The following WDPCP variants were observed in gnomAD, a reference collection of about 807,000 sequenced individuals.
The protein encoded by WDPCP is WD repeat containing planar cell polarity effector.
WDPCP carries 71 observed loss-of-function variants against 93.1 expected under a neutral mutation model. That is an observed-to-expected ratio of 0.76 (90% CI 0.63 to 0.93). WDPCP has a LOEUF of 0.93. WDPCP is among the 40% of genes least tolerant of loss of function. The probability of loss-of-function intolerance (pLI) is 0.00; values close to 1 mark genes in which losing one functional copy is unlikely to be tolerated. For missense variants in WDPCP, 844 were observed against 887.4 expected (o/e 0.95, Z 0.62); for synonymous variants, 315 against 315.0 (o/e 1.00, Z 0.00).
chr2:63,164,096 A>G (rs904292471), intron 15 of WDPCP, among the ~76,000 whole-genome samples: 3 of 152,236 alleles, frequency 2.0e-5, no homozygotes, highest in African/African-American at 2.4e-5. Flanking sequence ...TTGTTCTACA[A>G]TAAATAATTT....
At position 63,347,443 on chromosome 2, in the gene WDPCP, C is replaced by T. The variant is rs143161527; in HGVS notation, c.1748+30943G>A. Among the ~76,000 whole-genome samples, 59 of 152,300 alleles carry T rather than the reference C, an allele frequency of 3.9e-4. No homozygotes were observed. In the East Asian group the frequency reaches 7.3e-3, roughly 19 times the overall value. ...TCTGGCAACCCTTAACTTGTCCAAG[C>T]TCCCATAGCTACTCAATTGCATAGT... On this transcript the variant is annotated intron_variant, in intron 12 of 17. Coordinates refer to ENST00000272321, the MANE Select transcript of WDPCP (RefSeq NM_015910.7).
chr2:63,273,773 C>T (rs1682846909), intron 13 of WDPCP, among the ~76,000 whole-genome samples: 1 of 151,722 alleles, frequency 6.6e-6, no homozygotes, highest in South Asian at 2.1e-4. Context: ...GCAAGAGGGT[C>T]TAACAACTCT....
Position 63,678,825 on chromosome 2 carries a change from C to T in WDPCP, n.309-27987G>A, listed in dbSNP as rs187839147. Reference sequence around the variant, plus strand: ...CGCTAGCTTCATGGGTAGGGATGTGCCTGATGTAGAGCATGCACATCTAAG... The same window carrying T: ...CGCTAGCTTCATGGGTAGGGATGTGTCTGATGTAGAGCATGCACATCTAAG... On this transcript the variant is annotated intron_variant and non_coding_transcript_variant, in intron 2 of 4. Coordinates refer to the WDPCP transcript ENST00000467687. Among the ~76,000 whole-genome samples the T allele has an allele frequency of 2.2e-3, 328 of 152,296 alleles. 1 individual carries two copies. Among genetic ancestry groups the T allele is most frequent in the Non-Finnish European group, 3.2e-3 (219 of 68,014 alleles).
chr2:63,590,891 C>T (rs1271738177), upstream of WDPCP: 1 of 152,188 alleles, frequency 6.6e-6, no homozygotes, highest in Non-Finnish European at 1.5e-5. Flanking sequence ...TCTGTAAGCT[C>T]ATTCAAAGCG....
intron 2 of WDPCP, among the ~76,000 whole-genome samples, chr2:63,726,888 T>C (rs1318563748): frequency 6.6e-6 from 1 of 152,198 alleles, no homozygotes; most frequent in Non-Finnish European, 1.5e-5. Flanking sequence ...GATTTTTGTA[T>C]ACTTATTTTA....
chr2:63,208,011 G>T (rs1676470287), intron 14 of WDPCP, among the ~76,000 whole-genome samples: 2 of 151,898 alleles, frequency 1.3e-5, no homozygotes, highest in Admixed American at 6.6e-5. Flanking sequence ...CTAAGTTAAT[G>T]TTCATTTCTA....
intron 3 of WDPCP, among the ~76,000 whole-genome samples, chr2:63,620,001 G>T (rs917896442): frequency 2.0e-5 from 3 of 152,166 alleles, no homozygotes; most frequent in Non-Finnish European, 2.9e-5. Context: ...CAGATACTAC[G>T]CTTTTCCCAT....
chr2:63,460,417 A>G (rs1168736975), intron 6 of WDPCP, among the ~76,000 whole-genome samples: 2 of 152,218 alleles, frequency 1.3e-5, no homozygotes, highest in African/African-American at 2.4e-5. Context: ...ATAGCAGAAT[A>G]GGATGACTAT....
chr2:63,392,008 C>T (rs1487786794), intron 10 of WDPCP, among the ~76,000 whole-genome samples: 1 of 152,170 alleles, frequency 6.6e-6, no homozygotes, highest in Non-Finnish European at 1.5e-5. Context: ...CTACCAATGA[C>T]TTTCTTCACA....
rs888700720 is a variant in WDPCP, at chr2:63,357,803, A to G, written c.1748+20583T>C. Among the ~76,000 whole-genome samples the G allele has an allele frequency of 2.6e-5, 4 of 152,204 alleles. No homozygotes were observed. In the East Asian group the frequency reaches 5.8e-4, roughly 22 times the overall value. On this transcript the variant is annotated intron_variant, in intron 12 of 17. Coordinates refer to ENST00000272321, the MANE Select transcript of WDPCP (RefSeq NM_015910.7). Reference sequence around the variant, plus strand: ...GTCATTCTACCATAAAGACACATGCATGCAAATGTTCATTGCAGCACTATT... The same window carrying G: ...GTCATTCTACCATAAAGACACATGCGTGCAAATGTTCATTGCAGCACTATT...
intron 12 of WDPCP, among the ~76,000 whole-genome samples, chr2:63,324,383 A>C (rs1687363125): frequency 1.3e-5 from 2 of 152,056 alleles, no homozygotes; most frequent in Non-Finnish European, 2.9e-5. Context: ...GAAATCTCCA[A>C]AGGACCACAA....
chr2:63,521,734 C>G (rs755545067), intron 1 of WDPCP, among the ~76,000 whole-genome samples: 2 of 152,124 alleles, frequency 1.3e-5, no homozygotes, highest in Non-Finnish European at 2.9e-5. Flanking sequence ...ATACATTTCT[C>G]TCATCTGGGC....
chr2:63,433,434 C>T (rs1696909541), intron 9 of WDPCP, among the ~76,000 whole-genome samples: 1 of 152,106 alleles, frequency 6.6e-6, no homozygotes, highest in Non-Finnish European at 1.5e-5. Context: ...TGTATTAACT[C>T]ATTTATCATC....
At chr2:63,262,553 AAAAG>A (rs1252058553) in intron 13 of WDPCP, among the ~76,000 whole-genome samples, 1 of 150,980 alleles carries the variant, frequency 6.6e-6, no homozygotes, top group Admixed American at 6.6e-5. Flanking sequence ...AAAAAAAAAA[AAAAG>A]AAAGAAAAGA....
chr2:63,120,382 G>A lies in WDPCP; in HGVS notation c.*1624C>T, dbSNP rs140437615. ...TTTTTTGTCATACCCTCTGGTAGAGGTACAGATAAATGGGAAGTAGAAAGA... is the reference window on the plus strand; with the variant it reads ...TTTTTTGTCATACCCTCTGGTAGAGATACAGATAAATGGGAAGTAGAAAGA... On this transcript the variant is annotated 3_prime_UTR_variant, in exon 18 of 18. Coordinates refer to ENST00000272321, the MANE Select transcript of WDPCP (RefSeq NM_015910.7). Among the ~76,000 whole-genome samples, 301 of 152,062 alleles carry A rather than the reference G, an allele frequency of 2.0e-3. 2 individuals carry two copies. Among genetic ancestry groups the A allele is most frequent in the African/African-American group, 6.8e-3 (282 of 41,512 alleles).
intron 14 of WDPCP, among the ~76,000 whole-genome samples, chr2:63,258,963 TATAA>T (rs1681374572): frequency 6.6e-6 from 1 of 152,192 alleles, no homozygotes; most frequent in Non-Finnish European, 1.5e-5. Flanking sequence ...CATGTCTGTG[TATAA>T]ATAAAGGATT....
intron 12 of WDPCP, among the ~76,000 whole-genome samples, chr2:63,333,007 T>C (rs1688090083): frequency 6.6e-6 from 1 of 152,206 alleles, no homozygotes; most frequent in African/African-American, 2.4e-5. Context: ...CTCTTATATT[T>C]AGGCTTTACC....
At chr2:63,327,535 G>A (rs114224330) in intron 12 of WDPCP, among the ~76,000 whole-genome samples, 2,189 of 152,198 alleles carry the variant, frequency 0.014, 28 homozygotes, top group Non-Finnish European at 0.021. Flanking sequence ...CAAAACCCCC[G>A]AGGCCTAGAC....
At chr2:63,718,053 T>C in intron 2 of WDPCP, among the ~76,000 whole-genome samples, 1 of 152,126 alleles carries the variant, frequency 6.6e-6, no homozygotes, top group East Asian at 1.9e-4. Flanking sequence ...GGTAAAAATA[T>C]ATATTAAAAC....
Sources: gnomAD v4.1 joint callset for allele counts (sites outside exome capture counted in the v4.1 genomes callset) on GRCh38, gnomAD v4.1.1 for gene constraint, MANE v1.5 for transcripts, NCBI Gene and HGNC (gene_info 2026-07-23, HGNC 2026-07-21) for gene names.